The following CDH18 variants were observed in gnomAD, a reference collection of about 807,000 sequenced individuals.
The protein encoded by CDH18 is cadherin-18.
A neutral mutation model predicts 67.9 loss-of-function variants in CDH18; 31 were observed. The observed-to-expected ratio is 0.46, with a 90% CI of 0.34 to 0.62. The LOEUF is 0.62. Ranked by LOEUF, CDH18 falls within the 20% of genes least tolerant of loss-of-function variation. The pLI is 0.01. For synonymous variants in CDH18, 362 were observed against 347.2 expected, an observed-to-expected ratio of 1.04 and a Z score of -0.48; for missense variants, 890 against 975.5, an observed-to-expected ratio of 0.91 and a Z score of 1.17.
chr5:19,837,720 G>A (rs1056203553), intron 3 of CDH18, among the ~76,000 whole-genome samples: 9 of 152,044 alleles, frequency 5.9e-5, no homozygotes, highest in Non-Finnish European at 1.2e-4. Flanking sequence ...ATCCTGTACT[G>A]CCTACACATT....
chr5:20,456,607 A>G (rs1750852035), intron 1 of CDH18, among the ~76,000 whole-genome samples: 1 of 152,210 alleles, frequency 6.6e-6, no homozygotes, highest in African/African-American at 2.4e-5. Flanking sequence ...AAGGGAAAAC[A>G]GTATAAATGG....
intron 1 of CDH18, among the ~76,000 whole-genome samples, chr5:20,273,403 A>G (rs1260824274): frequency 1.3e-5 from 2 of 152,162 alleles, no homozygotes; most frequent in African/African-American, 2.4e-5. Context: ...GGCAAGGCAG[A>G]TAATATGGAA....
chr5:19,692,276 C>T (rs1373995925), intron 5 of CDH18, among the ~76,000 whole-genome samples: 1 of 152,074 alleles, frequency 6.6e-6, no homozygotes, highest in Non-Finnish European at 1.5e-5. Flanking sequence ...AACTGCAAAA[C>T]TACTATAATG....
At chr5:20,433,257 ATGTG>A (rs552698994) in intron 1 of CDH18, among the ~76,000 whole-genome samples, 7 of 150,832 alleles carry the variant, frequency 4.6e-5, no homozygotes, top group South Asian at 2.1e-4. Flanking sequence ...CACATAATAT[ATGTG>A]TGTGTGTGTG....
chr5:19,734,511 T>G lies in CDH18; in HGVS notation c.523+12431A>C, dbSNP rs146979407. On this transcript the variant is annotated intron_variant, in intron 4 of 12. Transcript: ENST00000382275. ...CTTTTTTGAGCCATCCTCAGAAAAATTCACCAAAGGCCTTATGGTAGAATA... is the reference window on the plus strand; with the variant it reads ...CTTTTTTGAGCCATCCTCAGAAAAAGTCACCAAAGGCCTTATGGTAGAATA... Among the ~76,000 whole-genome samples the G allele has an allele frequency of 8.0e-4, 121 of 151,826 alleles. 1 individual carries two copies. The highest frequency in any genetic ancestry group is 2.8e-3 in the African/African-American group (118 of 41,468).
chr5:20,330,699 G>C (rs926950949), intron 1 of CDH18, among the ~76,000 whole-genome samples: 2 of 152,088 alleles, frequency 1.3e-5, no homozygotes, highest in Admixed American at 6.5e-5. Context: ...CTGTGCATGC[G>C]GACAGCCCAC....
chr5:20,024,196 C>A (rs1738685821), intron 2 of CDH18, among the ~76,000 whole-genome samples: 1 of 152,168 alleles, frequency 6.6e-6, no homozygotes, highest in Non-Finnish European at 1.5e-5. Flanking sequence ...CATTATTGAT[C>A]TTTCTTTAAG....
intron 1 of CDH18, among the ~76,000 whole-genome samples, chr5:20,309,032 A>C (rs1736755443): frequency 6.6e-6 from 1 of 152,244 alleles, no homozygotes; most frequent in African/African-American, 2.4e-5. Context: ...GTTAAACCAA[A>C]TAGTGTAGAA....
chr5:19,607,310 A>T (rs1343381213), intron 6 of CDH18, among the ~76,000 whole-genome samples: 1 of 151,466 alleles, frequency 6.6e-6, no homozygotes, highest in Non-Finnish European at 1.5e-5. Flanking sequence ...ACACAACAGC[A>T]ACAATGACAA....
intron 8 of CDH18, 105 bp from the exon 9 acceptor site, chr5:19,544,110 T>C: frequency 2.2e-6 from 1 of 450,636 alleles, no homozygotes; most frequent in Non-Finnish European, 3.8e-6. Context: ...CAAATATACT[T>C]TTAAATTCTA....
intron 5 of CDH18, among the ~76,000 whole-genome samples, chr5:19,656,791 C>T (rs186598131): frequency 6.6e-6 from 1 of 151,450 alleles, no homozygotes; most frequent in Admixed American, 6.6e-5. Flanking sequence ...TAAAGGGTGC[C>T]CAGTGCTAGG....
upstream of CDH18, among the ~76,000 whole-genome samples, chr5:19,992,697 A>G (rs975415194): frequency 2.6e-5 from 4 of 152,156 alleles, no homozygotes; most frequent in Non-Finnish European, 5.9e-5. Context: ...ATTCACAAAT[A>G]AGTCATTCCA....
chr5:20,573,318 C>T (rs1328285878), intron 1 of CDH18, among the ~76,000 whole-genome samples: 2 of 151,432 alleles, frequency 1.3e-5, no homozygotes, highest in African/African-American at 2.4e-5. Flanking sequence ...TTAATGGTCT[C>T]ATAAAAACAC....
intron 2 of CDH18, among the ~76,000 whole-genome samples, chr5:19,860,683 C>T (rs1009888107): frequency 6.6e-6 from 1 of 151,740 alleles, no homozygotes; most frequent in African/African-American, 2.4e-5. Flanking sequence ...GTTACATTAG[C>T]TTAAGTTACT....
intron 3 of CDH18, among the ~76,000 whole-genome samples, chr5:19,808,755 C>T (rs540616274): frequency 8.0e-4 from 111 of 139,594 alleles, no homozygotes; most frequent in East Asian, 3.8e-3. Flanking sequence ...TGCTTGAACC[C>T]GGGAGGTGGA....
chr5:20,482,113 T>A (rs980856915), intron 1 of CDH18, among the ~76,000 whole-genome samples: 1 of 151,806 alleles, frequency 6.6e-6, no homozygotes, highest in Non-Finnish European at 1.5e-5. Flanking sequence ...ACATTACGAT[T>A]GAAACTGCAG....
chr5:20,018,796 ATTC>A (rs1738120661), intron 2 of CDH18, among the ~76,000 whole-genome samples: 1 of 129,408 alleles, frequency 7.7e-6, no homozygotes, highest in Non-Finnish European at 1.7e-5. Context: ...AGAATAAGGC[ATTC>A]TTTTTTTTTT....
chr5:19,537,579 C>T (rs940718579), intron 9 of CDH18, among the ~76,000 whole-genome samples: 3 of 152,090 alleles, frequency 2.0e-5, no homozygotes, highest in Non-Finnish European at 2.9e-5. Flanking sequence ...AACCTTTACT[C>T]ATCCCTCACC....
chr5:20,054,707 A>G (rs900001160), intron 2 of CDH18, among the ~76,000 whole-genome samples: 1 of 152,212 alleles, frequency 6.6e-6, no homozygotes, highest in Non-Finnish European at 1.5e-5. Flanking sequence ...CTTCTCAGGT[A>G]TAACATTTAC....
Sources: gnomAD v4.1 joint callset for allele counts (sites outside exome capture counted in the v4.1 genomes callset) on GRCh38, gnomAD v4.1.1 for gene constraint, MANE v1.5 for transcripts, NCBI Gene and HGNC (gene_info 2026-07-23, HGNC 2026-07-21) for gene names.